Variants in DCHS2 observed in about 807,000 individuals in gnomAD.
DCHS2 encodes the protein protocadherin-23.
DCHS2 carries 142 observed loss-of-function variants against 182.4 expected under a neutral mutation model. The observed-to-expected ratio is 0.78, with a 90% CI of 0.68 to 0.89. The LOEUF (loss-of-function observed/expected upper bound fraction) is 0.89, where lower values mean the gene tolerates loss of function less well. Among genes scored for constraint, DCHS2 ranks in the 40% least tolerant of loss-of-function variants. The probability of loss-of-function intolerance (pLI) is 0.00; values close to 1 mark genes in which losing one functional copy is unlikely to be tolerated. For missense variants in DCHS2, 4,319 were observed against 4,198.6 expected (o/e 1.03, Z -0.79); for synonymous variants, 1,740 against 1,663.3 (o/e 1.05, Z -1.12).
At chr4:154,447,831 G>A (rs547382877) in intron 1 of DCHS2, among the ~76,000 whole-genome samples, 159 of 152,254 alleles carry the variant, frequency 1.0e-3, no homozygotes, top group African/African-American at 3.4e-3. Context: ...AAACAGGGAA[G>A]GATACCTTTT....
chr4:154,399,905 A>G (rs1373650193), intron 1 of DCHS2, among the ~76,000 whole-genome samples: 2 of 152,214 alleles, frequency 1.3e-5, no homozygotes, highest in African/African-American at 4.8e-5. Flanking sequence ...GAGCTGTGAG[A>G]GGGCATAAAT....
intron 2 of DCHS2, among the ~76,000 whole-genome samples, chr4:154,369,590 C>T (rs1730545859): frequency 6.6e-6 from 1 of 152,176 alleles, no homozygotes; most frequent in African/African-American, 2.4e-5. Context: ...CTTGCAGGTT[C>T]CTGGCCCTTA....
At chr4:154,345,629 A>G (rs1404527081) in intron 3 of DCHS2, among the ~76,000 whole-genome samples, 2 of 150,956 alleles carry the variant, frequency 1.3e-5, no homozygotes, top group African/African-American at 2.4e-5. Flanking sequence ...CATGAAACCT[A>G]TCATAACCTG....
intron 1 of DCHS2, among the ~76,000 whole-genome samples, chr4:154,449,328 T>A (rs1734436628): frequency 6.6e-6 from 1 of 152,104 alleles, no homozygotes; most frequent in South Asian, 2.1e-4. Flanking sequence ...ATATCTCCAT[T>A]CCACAGGTAA....
In DCHS2 at chr4:154,270,014, C is replaced by A. The variant is rs752319859; in HGVS notation, c.6464-1G>T. On this transcript the variant is annotated splice_acceptor_variant, in intron 13 of 19. Coordinates refer to ENST00000357232, the MANE Select transcript of DCHS2 (RefSeq NM_001358235.2). LOFTEE classifies it high-confidence loss of function. Reference sequence around the variant, plus strand: ...GCTTTAACAGTCACAATAGAAGTACCTGTAAAAATTAGGTAAAAAAAGAAC... The same window carrying A: ...GCTTTAACAGTCACAATAGAAGTACATGTAAAAATTAGGTAAAAAAAGAAC... The A allele has an allele frequency of 1.3e-6, 2 of 1,591,236 alleles. No individual in the cohort carries two copies. Among genetic ancestry groups the A allele is most frequent in the Admixed American group, 3.8e-5 (2 of 53,052 alleles).
Position 154,332,861 on chromosome 4 carries a change from G to A in DCHS2, c.3347C>T (p.Ala1116Val). 1.2e-6 allele frequency: 2 copies of A among 1,614,236 alleles called. No homozygotes were observed. Among genetic ancestry groups the A allele is most frequent in the Non-Finnish European group, 1.7e-6 (2 of 1,180,028 alleles). ...TQAHPLGPQR[A>V]ASPLRYSLEP... ...CAGCGAGTACCTAAGAGGCGAGGCTGCACGCTGGGGGCCAAGTGGGTGCGC... is the reference window on the plus strand; with the variant it reads ...CAGCGAGTACCTAAGAGGCGAGGCTACACGCTGGGGGCCAAGTGGGTGCGC... The change falls in exon 5 of 20, where the codon GCA becomes GTA. Residue 1116 changes from alanine to valine, a missense_variant. By Grantham distance (64) the Ala-to-Val change is moderately conservative. Transcript: ENST00000357232.
chr4:154,434,510 T>C (rs1733693163), intron 1 of DCHS2, among the ~76,000 whole-genome samples: 1 of 118,892 alleles, frequency 8.4e-6, no homozygotes, highest in African/African-American at 2.7e-5. Flanking sequence ...GAAAGATTAA[T>C]ACAAAATTTA....
rs139929506 is a variant in DCHS2 at position 154,464,794 on chromosome 4, G to A, written c.2052+24510C>T. 4.5e-4 allele frequency among the ~76,000 whole-genome samples: 69 copies of A among 152,280 alleles called. 1 individual carries two copies. The East Asian group carries it at 0.013, about 28-fold the overall frequency. ...GGTTGGTCTTCAGGGCCTACAAAGGGTTGGGGAAAGCCCTGCTGGACTCCC... is the reference window on the plus strand; with the variant it reads ...GGTTGGTCTTCAGGGCCTACAAAGGATTGGGGAAAGCCCTGCTGGACTCCC... On this transcript the variant is annotated intron_variant, in intron 1 of 19. Coordinates refer to ENST00000357232, the MANE Select transcript of DCHS2 (RefSeq NM_001358235.2).
chr4:154,238,990 A>G (rs913527786), intron 19 of DCHS2, among the ~76,000 whole-genome samples, 180 bp downstream of exon 19: 1 of 152,114 alleles, frequency 6.6e-6, no homozygotes, highest in Non-Finnish European at 1.5e-5. Flanking sequence ...GAGAAGAGAA[A>G]TAACACTGGC....
intron 13 of DCHS2, among the ~76,000 whole-genome samples, chr4:154,293,478 G>C (rs533679480): frequency 6.6e-6 from 1 of 152,080 alleles, no homozygotes; most frequent in African/African-American, 2.4e-5. Context: ...CACTGCGCCC[G>C]GCCGGTATTA....
chr4:154,328,034 T>C (rs1406240842), intron 7 of DCHS2, 59 bp downstream of exon 7: 10 of 1,266,826 alleles, frequency 7.9e-6, no homozygotes, highest in African/African-American at 1.5e-5. Context: ...AGGGGATAGT[T>C]GATAAATGAA....
chr4:154,238,996 C>CT (rs1421209157), intron 19 of DCHS2, among the ~76,000 whole-genome samples, 174 bp downstream of exon 19: 2 of 151,942 alleles, frequency 1.3e-5, no homozygotes, highest in Non-Finnish European at 2.9e-5. Context: ...AGAAATAACA[C>CT]TGGCATTTGC....
intron 13 of DCHS2, 64 bp downstream of exon 13, chr4:154,297,787 T>C: frequency 1.9e-6 from 3 of 1,543,276 alleles, no homozygotes; most frequent in Non-Finnish European, 2.6e-6. Flanking sequence ...TGTAGTATAA[T>C]CCGTACTCTT....
At chr4:154,316,804 A>G (rs1306439034) in intron 9 of DCHS2, among the ~76,000 whole-genome samples, 1 of 152,168 alleles carries the variant, frequency 6.6e-6, no homozygotes, top group Non-Finnish European at 1.5e-5. Flanking sequence ...AAAAAAAAGC[A>G]AAGATGTTAT....
chr4:154,330,207 G>A (rs571097124), intron 5 of DCHS2, among the ~76,000 whole-genome samples: 1 of 152,300 alleles, frequency 6.6e-6, no homozygotes, highest in Middle Eastern at 3.4e-3. Context: ...TATACATGAC[G>A]ACACAAGTGG....
intron 16 of DCHS2, among the ~76,000 whole-genome samples, chr4:154,250,836 C>T (rs537988205): frequency 1.3e-5 from 2 of 152,322 alleles, no homozygotes; most frequent in Non-Finnish European, 2.9e-5. Context: ...CGTTCAACTG[C>T]TTATAGTTGT....
rs147174513 is a variant in DCHS2, at chr4:154,235,233, T to A, written c.9419A>T (p.Asp3140Val). The stretch of plus-strand genomic sequence containing the variant: ...TTCCCCAGATAGGCAGGAGAGCTGG[T>A]CTGAGTCCCTCGGGATACCCGAGTC... ...VPDSGIPRDSDQLSCLSGETD... is the reference protein window; with the variant it reads ...VPDSGIPRDSVQLSCLSGETD... The change falls in exon 20 of 20, where the codon GAC becomes GTC. Residue 3140 changes from aspartate (D) to valine (V), a missense_variant. Physicochemically the swap from Asp to Val is radical, Grantham distance 152. Coordinates refer to ENST00000357232, the MANE Select transcript of DCHS2 (RefSeq NM_001358235.2). 1.2e-5 allele frequency: 19 copies of A among 1,613,946 alleles called. No homozygotes were observed. Among genetic ancestry groups the A allele is most frequent in the Non-Finnish European group, 1.5e-5 (18 of 1,179,982 alleles).
intron 1 of DCHS2, among the ~76,000 whole-genome samples, chr4:154,418,686 T>C: frequency 6.6e-6 from 1 of 152,350 alleles, no homozygotes; most frequent in East Asian, 1.9e-4. Context: ...AAATTTTTTA[T>C]GACATCGATA....
chr4:154,286,318 A>G (rs954359254), intron 13 of DCHS2, among the ~76,000 whole-genome samples: 3 of 152,160 alleles, frequency 2.0e-5, no homozygotes, highest in Non-Finnish European at 4.4e-5. Context: ...CATAAGCATC[A>G]GTACCATCCA....
Sources: gnomAD v4.1 joint callset for allele counts (sites outside exome capture counted in the v4.1 genomes callset) on GRCh38, gnomAD v4.1.1 for gene constraint, MANE v1.5 for transcripts, NCBI Gene and HGNC (gene_info 2026-07-23, HGNC 2026-07-21) for gene names.